The following FAM13A variants were observed in gnomAD, a reference collection of about 807,000 sequenced individuals.
The protein encoded by FAM13A is family with sequence similarity 13 member A, also known as protein FAM13A.
FAM13A carries 76 observed loss-of-function variants against 129.6 expected under a neutral mutation model. The ratio of observed to expected loss-of-function variants is 0.59; its 90% CI spans 0.49 to 0.71. The LOEUF (loss-of-function observed/expected upper bound fraction) is 0.71, where lower values mean the gene tolerates loss of function less well. FAM13A is among the 30% of genes least tolerant of loss of function. The pLI is 0.00. For synonymous variants in FAM13A, 443 were observed against 449.9 expected (o/e 0.98, Z 0.20); for missense variants, 1,108 against 1,249.3 (o/e 0.89, Z 1.70).
chr4:88,967,944 G>A (rs1305888103), intron 4 of FAM13A, among the ~76,000 whole-genome samples: 1 of 152,174 alleles, frequency 6.6e-6, no homozygotes, highest in Non-Finnish European at 1.5e-5. Flanking sequence ...GAGTGAGACA[G>A]GCTGTGGTGG....
intron 4 of FAM13A, among the ~76,000 whole-genome samples, chr4:88,945,429 T>C (rs540387205): frequency 5.9e-5 from 9 of 152,322 alleles, no homozygotes; most frequent in African/African-American, 2.2e-4. Flanking sequence ...ATGCATGGAA[T>C]GAGACTCCCT....
chr4:88,935,371 T>A (rs893995879), intron 5 of FAM13A, among the ~76,000 whole-genome samples: 3 of 152,230 alleles, frequency 2.0e-5, no homozygotes, highest in Non-Finnish European at 4.4e-5. Flanking sequence ...CAGAGGTATG[T>A]CAGTGTTTAT....
Position 88,920,400 on chromosome 4 carries a change from C to T in FAM13A, c.760-13938G>A, listed in dbSNP as rs547647616. Among the ~76,000 whole-genome samples, 6 of 152,232 alleles carry T rather than the reference C, an allele frequency of 3.9e-5. No homozygotes were observed. The South Asian group carries it at 6.2e-4, about 16-fold the overall frequency. On this transcript the variant is annotated intron_variant, in intron 5 of 23. Transcript: ENST00000264344. ...GCAGCATTCGCGGTTCACGAAAATC[C>T]GCTGTTCTGCAGCCACCGCTGCTGA...
At chr4:88,799,786 A>G (rs113061229) in intron 8 of FAM13A, among the ~76,000 whole-genome samples, 15 of 152,320 alleles carry the variant, frequency 9.8e-5, no homozygotes, top group Middle Eastern at 3.4e-3. Context: ...CCTGGCCCCA[A>G]CAATTCCACT....
At chr4:88,962,082 G>A (rs1758699093) in intron 4 of FAM13A, among the ~76,000 whole-genome samples, 1 of 151,768 alleles carries the variant, frequency 6.6e-6, no homozygotes, top group South Asian at 2.1e-4. Context: ...AGAAGAGAGA[G>A]TGAATGGCAA....
intron 3 of FAM13A, among the ~76,000 whole-genome samples, chr4:88,994,136 C>T (rs948935406): frequency 5.9e-5 from 9 of 152,158 alleles, no homozygotes; most frequent in African/African-American, 1.7e-4. Flanking sequence ...ACAGATTCAT[C>T]GATTCCTGGA....
chr4:88,864,965 A>C (rs1183554624), intron 6 of FAM13A, among the ~76,000 whole-genome samples: 2 of 152,196 alleles, frequency 1.3e-5, no homozygotes, highest in African/African-American at 4.8e-5. Flanking sequence ...AGGAGTAATC[A>C]ACAACTTGTG....
intron 4 of FAM13A, among the ~76,000 whole-genome samples, chr4:88,979,137 A>C (rs927278554): frequency 1.3e-5 from 2 of 152,222 alleles, no homozygotes; most frequent in Non-Finnish European, 2.9e-5. Flanking sequence ...TAATTAAATA[A>C]GCAAAAATGT....
At chr4:88,873,520 C>T (rs1741803722) in intron 6 of FAM13A, among the ~76,000 whole-genome samples, 1 of 152,156 alleles carries the variant, frequency 6.6e-6, no homozygotes, top group Non-Finnish European at 1.5e-5. Context: ...TACCTCTAGG[C>T]AAATAAACTA....
At chr4:88,877,768 G>A (rs534134322) in intron 6 of FAM13A, among the ~76,000 whole-genome samples, 1 of 152,088 alleles carries the variant, frequency 6.6e-6, no homozygotes, top group African/African-American at 2.4e-5. Flanking sequence ...TTAAATTTAT[G>A]AGTACCAATC....
chr4:88,745,335 C>T (rs552037540), intron 19 of FAM13A, among the ~76,000 whole-genome samples: 3 of 152,176 alleles, frequency 2.0e-5, no homozygotes, highest in African/African-American at 4.8e-5. Flanking sequence ...GCCAATTCTA[C>T]GTGTCTGACC....
intron 6 of FAM13A, among the ~76,000 whole-genome samples, chr4:88,866,502 C>A (rs1428195369): frequency 6.6e-6 from 1 of 152,096 alleles, no homozygotes; most frequent in Non-Finnish European, 1.5e-5. Flanking sequence ...TTTTTGCAAT[C>A]ATCAAAGGGC....
chr4:88,780,702 T>C (rs1722671519), intron 11 of FAM13A, among the ~76,000 whole-genome samples: 1 of 152,016 alleles, frequency 6.6e-6, no homozygotes, highest in South Asian at 2.1e-4. Context: ...TTTAAAAGAG[T>C]ACAGATTTGA....
chr4:88,814,372 G>T (rs1469979335), intron 7 of FAM13A, among the ~76,000 whole-genome samples: 1 of 152,110 alleles, frequency 6.6e-6, no homozygotes, highest in South Asian at 2.1e-4. Context: ...TAATGCACAG[G>T]AGGAGAACTA....
In FAM13A at chr4:88,728,148, G is replaced by A. The variant is rs1736778727; in HGVS notation, c.*385C>T. On this transcript the variant is annotated 3_prime_UTR_variant, in exon 24 of 24. Transcript: ENST00000264344. Reference sequence around the variant, plus strand: ...CTTGTTTTTATCACAGTTAGACAGAGAATGGTCTCTTGTTTCTCAGTTATC... The same window carrying A: ...CTTGTTTTTATCACAGTTAGACAGAAAATGGTCTCTTGTTTCTCAGTTATC... 5.5e-6 allele frequency: 1 copy of A among 182,556 alleles called. No individual in the cohort carries two copies. The highest frequency in any genetic ancestry group is 2.3e-5 in the African/African-American group (1 of 42,696). The allele number at this position is 182,556 out of a possible 1,614,324, so 11.3% of individuals were successfully genotyped here.
At chr4:88,781,092 A>AT in intron 11 of FAM13A, 73 bp downstream of exon 11, 1 of 1,109,166 alleles carries the variant, frequency 9.0e-7, no homozygotes, top group Non-Finnish European at 1.3e-6. Context: ...ATTACTTTTA[A>AT]TTTTTTTACA....
intron 7 of FAM13A, among the ~76,000 whole-genome samples, chr4:88,819,028 T>G (rs1258575373): frequency 6.6e-6 from 1 of 152,204 alleles, no homozygotes; most frequent in Non-Finnish European, 1.5e-5. Context: ...TCAGTGAAAC[T>G]TTTAGATATT....
At chr4:88,909,076 C>T (rs961776061) in intron 5 of FAM13A, among the ~76,000 whole-genome samples, 1 of 152,042 alleles carries the variant, frequency 6.6e-6, no homozygotes, top group African/African-American at 2.4e-5. Flanking sequence ...TTTATAAAGC[C>T]ATTTATATTT....
At chr4:88,960,049 G>A (rs1414389080) in intron 4 of FAM13A, among the ~76,000 whole-genome samples, 1 of 152,164 alleles carries the variant, frequency 6.6e-6, no homozygotes, top group Non-Finnish European at 1.5e-5. Flanking sequence ...TGGACCCTCA[G>A]AAAGAAAGGA....
Sources: allele counts gnomAD v4.1 joint callset (sites outside exome capture counted in the v4.1 genomes callset), GRCh38; gene constraint gnomAD v4.1.1; transcripts MANE v1.5; gene names NCBI Gene and HGNC (gene_info 2026-07-23, HGNC 2026-07-21).